Variants in IGF2BP3 observed in about 807,000 individuals in gnomAD.
IGF2BP3 encodes the protein insulin like growth factor 2 mRNA binding protein 3.
Under a neutral mutation model 73.8 loss-of-function variants are expected in IGF2BP3, and 9 were observed. The observed-to-expected ratio is 0.12, with a 90% confidence interval of 0.07 to 0.21. IGF2BP3 has a LOEUF of 0.21. Among genes scored for constraint, IGF2BP3 ranks in the 10% least tolerant of loss-of-function variants. The pLI, the probability that IGF2BP3 is intolerant of heterozygous loss-of-function variation, is 1.00. For missense variants in IGF2BP3, 542 were observed against 714.0 expected (o/e 0.76, Z 2.75); for synonymous variants, 258 against 256.7 (o/e 1.01, Z -0.05).
Position 23,351,471 on chromosome 7 carries a change from C to A in IGF2BP3, c.517G>T (p.Gly173Trp), listed in dbSNP as rs149743260. The A allele has an allele frequency of 7.0e-5, 113 of 1,613,790 alleles. No individual in the cohort carries two copies. The highest frequency in any genetic ancestry group is 4.9e-4 in the Middle Eastern group (3 of 6,084). Residue 173 changes from glycine to tryptophan, a missense_variant, in exon 6 of 15, where the codon GGG becomes TGG. Physicochemically the swap from Gly to Trp is radical, Grantham distance 184 (BLOSUM62 -2). Transcript: ENST00000258729. ...NPLQQPRGRR[G>W]LGQRGSSRQG... Reference sequence around the variant, plus strand: ...CTTGAGGAGCCCCTCTGCCCAAGCCCCCGGCGACCTCGGGGCTGCTGCAAG... The same window carrying A: ...CTTGAGGAGCCCCTCTGCCCAAGCCACCGGCGACCTCGGGGCTGCTGCAAG...
At chr7:23,426,929 T>C (rs1787528344) in intron 2 of IGF2BP3, among the ~76,000 whole-genome samples, 1 of 152,228 alleles carries the variant, frequency 6.6e-6, no homozygotes, top group Admixed American at 6.5e-5. Flanking sequence ...GTGTCCCTCA[T>C]CAAATATTTG....
At chr7:23,402,170 T>C (rs1786688412) in intron 3 of IGF2BP3, 1 of 152,180 alleles carries the variant, frequency 6.6e-6, no homozygotes, top group South Asian at 2.1e-4. Flanking sequence ...ACCTGCTTAA[T>C]ACATAGCTCA....
intron 3 of IGF2BP3, among the ~76,000 whole-genome samples, chr7:23,369,750 C>G (rs1234398899): frequency 6.6e-6 from 1 of 151,930 alleles, no homozygotes; most frequent in African/African-American, 2.4e-5. Context: ...TGTCTTTGAC[C>G]TGCAACGTGA....
intron 10 of IGF2BP3, among the ~76,000 whole-genome samples, chr7:23,325,558 A>T (rs1234682793): frequency 6.6e-6 from 1 of 152,228 alleles, no homozygotes; most frequent in Non-Finnish European, 1.5e-5. Flanking sequence ...TCTTCACAGA[A>T]CTGGAAAAAA....
intron 5 of IGF2BP3, among the ~76,000 whole-genome samples, chr7:23,352,673 G>A (rs1209474652): frequency 6.6e-6 from 1 of 152,082 alleles, no homozygotes; most frequent in African/African-American, 2.4e-5. Flanking sequence ...TTCACAAGGT[G>A]AACACACACA....
intron 3 of IGF2BP3, among the ~76,000 whole-genome samples, chr7:23,366,551 A>G (rs975361290): frequency 1.4e-3 from 205 of 150,724 alleles, no homozygotes; most frequent in Non-Finnish European, 2.6e-3. Context: ...AAAACAAAGT[A>G]AAAAAGAAAA....
rs555742565 is a variant in IGF2BP3, at chr7:23,372,910, TCA to T, written c.286-11171_286-11170del. Among the ~76,000 whole-genome samples, 15 of 152,318 alleles carry T rather than the reference TCA, an allele frequency of 9.8e-5. No homozygotes were observed. In the South Asian group the frequency reaches 2.5e-3, roughly 25 times the overall value. On this transcript the variant is annotated intron_variant, in intron 3 of 14. Coordinates refer to ENST00000258729, the MANE Select transcript of IGF2BP3 (RefSeq NM_006547.3). ...TGGGCAAGCTGCAGCACAGAAAAGT[TCA>T]CAGTGTCAGAACTTGGACAGATAAA...
intron 3 of IGF2BP3, among the ~76,000 whole-genome samples, chr7:23,416,442 T>C (rs1787192607): frequency 6.6e-6 from 1 of 152,334 alleles, no homozygotes; most frequent in South Asian, 2.1e-4. Context: ...ATTTAGGACA[T>C]GGCTAGTTGT....
chr7:23,323,182 G>A (rs554898301), intron 10 of IGF2BP3, among the ~76,000 whole-genome samples: 5 of 151,976 alleles, frequency 3.3e-5, no homozygotes, highest in East Asian at 1.9e-4. Flanking sequence ...AACCCATCAC[G>A]TGCAGACACA....
At position 23,310,488 on chromosome 7, in the gene IGF2BP3, A is replaced by G. The variant is rs1783798063; in HGVS notation, c.*1874T>C. On this transcript the variant is annotated 3_prime_UTR_variant, in exon 15 of 15. Coordinates refer to ENST00000258729, the MANE Select transcript of IGF2BP3 (RefSeq NM_006547.3). Reference sequence around the variant, plus strand: ...TGTGTATATTTTTAAAAAATCAAATATTGGGGAAAAAAATCAAATACTGAG... The same window carrying G: ...TGTGTATATTTTTAAAAAATCAAATGTTGGGGAAAAAAATCAAATACTGAG... 1 of 152,210 alleles carries G rather than the reference A, an allele frequency of 6.6e-6. No individual in the cohort carries two copies. The highest frequency in any genetic ancestry group is 1.5e-5 in the Non-Finnish European group (1 of 68,032). The allele number at this position is 152,210 out of a possible 1,614,324, so 9.4% of individuals were successfully genotyped here.
chr7:23,326,526 G>A (rs199652), intron 10 of IGF2BP3, among the ~76,000 whole-genome samples: 83,747 of 148,438 alleles, frequency 0.56, 23,883 homozygotes, highest in East Asian at 0.83. Flanking sequence ...TCAGGGATCT[G>A]GAACTAGAAA....
intron 5 of IGF2BP3, chr7:23,361,219 G>A (rs576615416): frequency 1.3e-4 from 29 of 226,708 alleles, no homozygotes; most frequent in Non-Finnish European, 2.0e-4. Context: ...AGGGGGAGAC[G>A]GGGAGAGACT....
intron 3 of IGF2BP3, among the ~76,000 whole-genome samples, chr7:23,373,634 A>G (rs987075580): frequency 3.3e-5 from 5 of 152,216 alleles, no homozygotes; most frequent in Non-Finnish European, 2.9e-5. Context: ...GAAAAACAGT[A>G]CAGCAGTTCC....
chr7:23,314,875 G>A (rs1410570317), intron 12 of IGF2BP3, among the ~76,000 whole-genome samples: 1 of 151,936 alleles, frequency 6.6e-6, no homozygotes, highest in African/African-American at 2.4e-5. Context: ...TCGGCTTACT[G>A]CAACCTCCGA....
chr7:23,313,727 C>A, intron 12 of IGF2BP3, 74 bp from the exon 13 acceptor site: 1 of 1,475,490 alleles, frequency 6.8e-7, no homozygotes. Flanking sequence ...TGAAAGATGG[C>A]CCAAATCCAA....
rs1158029319 is a variant in IGF2BP3 at position 23,466,144 on chromosome 7, G to A, written c.236+2338C>T. Reference sequence around the variant, plus strand: ...AGCAATTCTCCTGCCTCAGCCTCCCGAGTAGCTGGGTGGGATTACAGGCAC... The same window carrying A: ...AGCAATTCTCCTGCCTCAGCCTCCCAAGTAGCTGGGTGGGATTACAGGCAC... On this transcript the variant is annotated intron_variant, in intron 2 of 14. Transcript: ENST00000258729. Among the ~76,000 whole-genome samples the A allele has an allele frequency of 3.3e-5, 5 of 151,596 alleles. No homozygotes were observed. The South Asian group carries it at 1.0e-3, about 32-fold the overall frequency.
chr7:23,436,703 A>C (rs1227982734), intron 2 of IGF2BP3, among the ~76,000 whole-genome samples: 1 of 152,240 alleles, frequency 6.6e-6, no homozygotes, highest in Non-Finnish European at 1.5e-5. Flanking sequence ...TATTTCCTAT[A>C]CCACAAAAAA....
intron 2 of IGF2BP3, among the ~76,000 whole-genome samples, chr7:23,451,658 T>C (rs1216715989): frequency 6.6e-6 from 1 of 151,980 alleles, no homozygotes; most frequent in Non-Finnish European, 1.5e-5. Flanking sequence ...CCACAGAATA[T>C]ATCGTTAGGG....
intron 10 of IGF2BP3, among the ~76,000 whole-genome samples, chr7:23,337,837 C>G (rs1268108000): frequency 6.6e-6 from 1 of 152,144 alleles, no homozygotes; most frequent in Non-Finnish European, 1.5e-5. Flanking sequence ...ATCCAGCAAT[C>G]CTTTATCCTT....
Sources: allele counts gnomAD v4.1 joint callset (sites outside exome capture counted in the v4.1 genomes callset), GRCh38; gene constraint gnomAD v4.1.1; transcripts MANE v1.5; gene names NCBI Gene and HGNC (gene_info 2026-07-23, HGNC 2026-07-21).